Variants in SSBP2 observed in about 807,000 individuals in gnomAD.
SSBP2 encodes single stranded DNA binding protein 2, also known as single-stranded DNA-binding protein 2.
Under a neutral mutation model 61.8 loss-of-function variants are expected in SSBP2, and 17 were observed. That is an observed-to-expected ratio of 0.28 (90% CI 0.19 to 0.41). SSBP2 has a LOEUF of 0.41. Ranked by LOEUF, SSBP2 falls within the 10% of genes least tolerant of loss-of-function variation. The pLI is 1.00. For missense variants in SSBP2, 310 were observed against 458.7 expected (o/e 0.68, Z 2.96); for synonymous variants, 139 against 141.3 (o/e 0.98, Z 0.12).
At chr5:81,629,903 T>C (rs891055146) in intron 3 of SSBP2, among the ~76,000 whole-genome samples, 7 of 152,208 alleles carry the variant, frequency 4.6e-5, no homozygotes, top group African/African-American at 1.4e-4. Flanking sequence ...ATCAAGTCTA[T>C]AATACATTAT....
chr5:81,653,803 AATTT>A (rs1220244368), intron 1 of SSBP2, among the ~76,000 whole-genome samples: 2 of 151,840 alleles, frequency 1.3e-5, no homozygotes, highest in Non-Finnish European at 1.5e-5. Context: ...TTTTCTTGTA[AATTT>A]ATTTAAGTTC....
rs1765419434 is a variant in SSBP2, at chr5:81,473,906, C to T, written c.500-136G>A. Reference sequence around the variant, plus strand: ...ACTGACACCATCTTACCTTGGCTTCCAGACCACTTTTCCACCTCTTACCAC... The same window carrying T: ...ACTGACACCATCTTACCTTGGCTTCTAGACCACTTTTCCACCTCTTACCAC... On this transcript the variant is annotated intron_variant, in intron 7 of 16. Transcript: ENST00000320672. The T allele has an allele frequency of 6.6e-6, 5 of 756,416 alleles. No individual in the cohort carries two copies. In the Admixed American group the frequency reaches 1.1e-4, roughly 16 times the overall value. 46.9% of individuals were successfully genotyped at this position (756,416 alleles called of 1,614,324 possible).
Position 81,593,897 on chromosome 5 carries a change from G to A in SSBP2, c.282+21576C>T, listed in dbSNP as rs1242506897. Among the ~76,000 whole-genome samples the A allele has an allele frequency of 2.0e-5, 3 of 152,174 alleles. No homozygotes were observed. The East Asian group carries it at 5.8e-4, about 29-fold the overall frequency. Reference sequence around the variant, plus strand: ...AGCCACTGCAAAAACTTGCCAAATTGTAAAGACCATCAAGGCTAGGAAGAA... The same window carrying A: ...AGCCACTGCAAAAACTTGCCAAATTATAAAGACCATCAAGGCTAGGAAGAA... On this transcript the variant is annotated intron_variant, in intron 4 of 16. Transcript: ENST00000320672.
At chr5:81,704,874 GTTTC>G (rs1440382944) in intron 1 of SSBP2, among the ~76,000 whole-genome samples, 1 of 147,742 alleles carries the variant, frequency 6.8e-6, no homozygotes, top group Admixed American at 6.7e-5. Flanking sequence ...GTTTAAATGA[GTTTC>G]TTTATTTCCA....
chr5:81,721,866 G>T (rs1581419152), intron 1 of SSBP2, among the ~76,000 whole-genome samples: 1 of 152,130 alleles, frequency 6.6e-6, no homozygotes, highest in East Asian at 1.9e-4. Flanking sequence ...TGGATAATTT[G>T]TTCAAAAACA....
chr5:81,557,375 A>T (rs1251083483), intron 4 of SSBP2, among the ~76,000 whole-genome samples: 2 of 152,014 alleles, frequency 1.3e-5, no homozygotes, highest in Admixed American at 1.3e-4. Flanking sequence ...CTCTAAGTTT[A>T]TAGTTTGCCT....
intron 4 of SSBP2, among the ~76,000 whole-genome samples, chr5:81,598,944 C>T (rs1581134446): frequency 6.6e-6 from 1 of 152,180 alleles, no homozygotes; most frequent in Non-Finnish European, 1.5e-5. Flanking sequence ...AAAACTAATT[C>T]CTCTCCTGTG....
intron 4 of SSBP2, among the ~76,000 whole-genome samples, chr5:81,558,562 T>C (rs1266676428): frequency 6.6e-6 from 1 of 152,192 alleles, no homozygotes; most frequent in African/African-American, 2.4e-5. Context: ...ATGTAAAATT[T>C]TGCATGTCTA....
At chr5:81,479,768 AGTT>A (rs1254152477) in intron 6 of SSBP2, among the ~76,000 whole-genome samples, 3 of 152,156 alleles carry the variant, frequency 2.0e-5, no homozygotes, top group African/African-American at 4.8e-5. Context: ...AATCTTATAA[AGTT>A]ATTATTATTC....
chr5:81,576,920 T>A (rs985103364), intron 4 of SSBP2, among the ~76,000 whole-genome samples: 3 of 152,162 alleles, frequency 2.0e-5, no homozygotes, highest in African/African-American at 7.2e-5. Context: ...TAGTTTTCCT[T>A]GGCTGGGTTT....
chr5:81,501,254 TATATATATATATATAC>T lies in SSBP2; in HGVS notation c.373-11961_373-11946del, dbSNP rs1165280334. On this transcript the variant is annotated intron_variant, in intron 5 of 16. Coordinates refer to ENST00000320672, the MANE Select transcript of SSBP2 (RefSeq NM_012446.5). ...ATATATATATATATATATATATATA[TATATATATATATATAC>T]ACACACACACACATGCACATACACC... is the stretch of plus-strand genomic sequence containing the variant. Among the ~76,000 whole-genome samples the T allele has an allele frequency of 9.2e-4, 51 of 55,526 alleles. 6 individuals carry two copies. The highest frequency in any genetic ancestry group is 3.1e-3 in the African/African-American group (22 of 7,194). The allele number at this position is 55,526 out of a possible 152,430, so 36.4% of individuals were successfully genotyped here.
chr5:81,683,160 A>G (rs575967024), intron 1 of SSBP2, among the ~76,000 whole-genome samples: 12 of 152,278 alleles, frequency 7.9e-5, no homozygotes, highest in Admixed American at 7.8e-4. Context: ...CAAAAAATTA[A>G]TTCTAAAATT....
chr5:81,452,550 T>A (rs952297925), intron 10 of SSBP2, among the ~76,000 whole-genome samples: 1 of 152,202 alleles, frequency 6.6e-6, no homozygotes, highest in African/African-American at 2.4e-5. Flanking sequence ...CTGATGAAGA[T>A]AAGCAAGAGT....
At chr5:81,607,811 T>G (rs1745024881) in intron 4 of SSBP2, among the ~76,000 whole-genome samples, 1 of 152,156 alleles carries the variant, frequency 6.6e-6, no homozygotes, top group Non-Finnish European at 1.5e-5. Flanking sequence ...TTTGAATATC[T>G]TAGGTACTCA....
chr5:81,676,576 T>C (rs114263709), intron 1 of SSBP2, among the ~76,000 whole-genome samples: 269 of 152,304 alleles, frequency 1.8e-3, no homozygotes, highest in African/African-American at 6.2e-3. Context: ...TTCCAGATGC[T>C]GCTGCCTAGA....
intron 4 of SSBP2, among the ~76,000 whole-genome samples, chr5:81,557,493 G>A (rs566709724): frequency 6.6e-6 from 1 of 152,122 alleles, no homozygotes; most frequent in Non-Finnish European, 1.5e-5. Context: ...TAGGCTTTTT[G>A]AGGATACCCC....
intron 1 of SSBP2, among the ~76,000 whole-genome samples, chr5:81,702,370 CAAAA>C (rs1011245805): frequency 5.9e-4 from 86 of 145,988 alleles, no homozygotes; most frequent in African/African-American, 1.8e-3. Flanking sequence ...ACTCCCATCT[CAAAA>C]AAACAAACAA....
chr5:81,583,440 T>C (rs180812120), intron 4 of SSBP2, among the ~76,000 whole-genome samples: 10 of 151,952 alleles, frequency 6.6e-5, no homozygotes, highest in East Asian at 3.9e-4. Flanking sequence ...CCATCCTGGC[T>C]AACACGGTGA....
intron 4 of SSBP2, among the ~76,000 whole-genome samples, chr5:81,606,294 C>T (rs939094379): frequency 5.3e-5 from 8 of 152,100 alleles, no homozygotes; most frequent in African/African-American, 1.9e-4. Context: ...ATGAAAACTA[C>T]GCAGTAAAAG....
Sources: gnomAD v4.1 joint callset for allele counts (sites outside exome capture counted in the v4.1 genomes callset) on GRCh38, gnomAD v4.1.1 for gene constraint, MANE v1.5 for transcripts, NCBI Gene and HGNC (gene_info 2026-07-23, HGNC 2026-07-21) for gene names.